Variants in PILRB observed in about 807,000 individuals in gnomAD.
The protein encoded by PILRB is paired immunoglobulin-like type 2 receptor beta.
In PILRB, 21 loss-of-function variants were observed where a neutral mutation model predicts 20.5. The ratio of observed to expected loss-of-function variants is 1.02; its 90% CI spans 0.72 to 1.47. The LOEUF is 1.47. Among genes scored for constraint, PILRB ranks in the 40% most tolerant of loss-of-function variants. The pLI is 0.00. For missense variants in PILRB, 253 were observed against 272.1 expected, an observed-to-expected ratio of 0.93 and a Z score of 0.49; for synonymous variants, 133 against 115.1, an observed-to-expected ratio of 1.16 and a Z score of -0.99.
Position 100,367,742 on chromosome 7 carries a change from T to TAC in PILRB, c.*365_*366insAC. The TAC allele has an allele frequency of 4.4e-6, 1 of 224,948 alleles. No homozygotes were observed. The highest frequency in any genetic ancestry group is 8.9e-6 in the Non-Finnish European group (1 of 112,796). 13.9% of individuals were successfully genotyped at this position (224,948 alleles called of 1,614,324 possible). On this transcript the variant is annotated 3_prime_UTR_variant, in exon 4 of 4. Coordinates refer to ENST00000609309, the MANE Select transcript of PILRB (RefSeq NM_178238.4). ...TTATTTTGCTTACCATACACCCCTTTTCTCCTCGTCCACATTTTCCAATCT... is the reference window on the plus strand; with the variant it reads ...TTATTTTGCTTACCATACACCCCTTTACTCTCCTCGTCCACATTTTCCAATCT...
At position 100,367,479 on chromosome 7, in the gene PILRB, T is replaced by C; in HGVS notation, c.*102T>C. 1.3e-6 allele frequency: 1 copy of C among 759,138 alleles called. No individual in the cohort carries two copies. The highest frequency in any genetic ancestry group is 2.5e-6 in the Non-Finnish European group (1 of 401,458). 47.0% of individuals were successfully genotyped at this position (759,138 alleles called of 1,614,324 possible). A position where few individuals can be genotyped will look rare whatever the true frequency, so the allele number is the denominator to read the frequency against. On this transcript the variant is annotated 3_prime_UTR_variant, in exon 4 of 4. Coordinates refer to ENST00000609309, the MANE Select transcript of PILRB (RefSeq NM_178238.4). ...ACTCGTTCCCCATTGGCAAGATACA[T>C]GGAGAGCACCCTGAGGACCTTTAAA...
At chr7:100,359,230 G>A in intron 2 of PILRB, 107 bp from the exon 3 acceptor site, 1 of 1,504,480 alleles carries the variant, frequency 6.6e-7, no homozygotes, top group South Asian at 1.1e-5. Context: ...TCTGAGAGCA[G>A]CTTGCTCATC....
At chr7:100,364,836 C>T (rs1790630116) in intron 3 of PILRB, among the ~76,000 whole-genome samples, 1 of 152,070 alleles carries the variant, frequency 6.6e-6, no homozygotes, top group Non-Finnish European at 1.5e-5. Context: ...GTCTGTAGTC[C>T]AAGCTACTCG....
chr7:100,367,692 C>T lies in PILRB; in HGVS notation c.*315C>T. The stretch of plus-strand genomic sequence containing the variant: ...TAGCAGTGCAAAGAGTTCCTTTATC[C>T]TCCCCAAGGATGGAAAAATACAATT... On this transcript the variant is annotated 3_prime_UTR_variant, in exon 4 of 4. Transcript: ENST00000609309. 4 of 368,476 alleles carry T rather than the reference C, an allele frequency of 1.1e-5. No homozygotes were observed. Among genetic ancestry groups the T allele is most frequent in the Non-Finnish European group, 2.0e-5 (4 of 202,808 alleles). The allele number at this position is 368,476 out of a possible 1,614,324, so 22.8% of individuals were successfully genotyped here.
chr7:100,359,044 A>C lies in PILRB; in HGVS notation c.419A>C (p.Gln140Pro), dbSNP rs766682315. 2.9e-5 allele frequency: 46 copies of C among 1,614,026 alleles called. No individual in the cohort carries two copies. The highest frequency in any genetic ancestry group is 3.6e-5 in the Non-Finnish European group (42 of 1,180,024). Reference protein sequence around the residue: ...DTRRSGRQQLQSIKGTKLTIT... With the variant: ...DTRRSGRQQLPSIKGTKLTIT... ...CGGAGATCAGGGAGGCAGCAGTTGC[A>C]GTCCATCAAGGGGACCAAACTCACC... The change falls in exon 2 of 4, where the codon CAG becomes CCG. Residue 140 changes from glutamine (Q) to proline (P), a missense_variant. Coordinates refer to ENST00000609309, the MANE Select transcript of PILRB (RefSeq NM_178238.4).
chr7:100,360,877 G>A (rs1205243982), intron 3 of PILRB, among the ~76,000 whole-genome samples: 1 of 152,196 alleles, frequency 6.6e-6, no homozygotes, highest in Non-Finnish European at 1.5e-5. Flanking sequence ...AATAGAGGAG[G>A]AGACTATGTT....
At chr7:100,365,818 A>C (rs1790666460) in intron 3 of PILRB, among the ~76,000 whole-genome samples, 1 of 152,060 alleles carries the variant, frequency 6.6e-6, no homozygotes, top group South Asian at 2.1e-4. Context: ...ACTCTGTCTC[A>C]AAAAAAGAAC....
chr7:100,362,284 G>C (rs958004426), intron 3 of PILRB, among the ~76,000 whole-genome samples: 2 of 152,082 alleles, frequency 1.3e-5, no homozygotes, highest in East Asian at 1.9e-4. Context: ...AGATGAAAAG[G>C]CTGGTGAATA....
chr7:100,358,324 C>T lies in PILRB; in HGVS notation c.22C>T (p.Pro8Ser). The T allele has an allele frequency of 6.2e-7, 1 of 1,612,828 alleles. No individual in the cohort carries two copies. The highest frequency in any genetic ancestry group is 8.5e-7 in the Non-Finnish European group (1 of 1,179,982). MGRPLLL[P>S]LLLLLQPPAF... The stretch of plus-strand genomic sequence containing the variant: ...GGCCATGGGTCGGCCCCTGCTGCTG[C>T]CCCTGCTGCTCCTGCTGCAGCCGCC... The change falls in exon 1 of 4, where the codon CCC becomes TCC. Residue 8 changes from proline to serine, a missense_variant. Physicochemically the swap from Pro to Ser is moderately conservative, Grantham distance 74. Coordinates refer to ENST00000609309, the MANE Select transcript of PILRB (RefSeq NM_178238.4).
intron 3 of PILRB, among the ~76,000 whole-genome samples, chr7:100,363,559 C>T (rs781355135): frequency 5.3e-5 from 8 of 152,252 alleles, no homozygotes; most frequent in Admixed American, 1.3e-4. Context: ...CATTCTTGTT[C>T]GTGGAGTGGA....
chr7:100,366,690 A>G (rs1790697615), intron 3 of PILRB, among the ~76,000 whole-genome samples: 1 of 151,844 alleles, frequency 6.6e-6, no homozygotes, highest in Admixed American at 6.6e-5. Flanking sequence ...CCCAGAAGGA[A>G]ACCACAGGCG....
At chr7:100,364,755 GTTTGTAGTAGCA>G (rs1197936244) in intron 3 of PILRB, among the ~76,000 whole-genome samples, 1 of 152,202 alleles carries the variant, frequency 6.6e-6, no homozygotes, top group Admixed American at 6.5e-5. Context: ...GCACACCGAT[GTTTGTAGTAGCA>G]TTACTCAAAA....
chr7:100,360,851 A>G (rs1332095588), intron 3 of PILRB, among the ~76,000 whole-genome samples: 1 of 152,220 alleles, frequency 6.6e-6, no homozygotes, highest in Non-Finnish European at 1.5e-5. Context: ...TGATGAAACC[A>G]CCAACTACAG....
At chr7:100,367,167 G>A (rs1440326823) in intron 3 of PILRB, among the ~76,000 whole-genome samples, 182 bp from the exon 4 acceptor site, 1 of 152,146 alleles carries the variant, frequency 6.6e-6, no homozygotes, top group Non-Finnish European at 1.5e-5. Flanking sequence ...GAGTACAGGT[G>A]CGGGCAGGGG....
At position 100,367,712 on chromosome 7, in the gene PILRB, A is replaced by G. The variant is rs1790737952; in HGVS notation, c.*335A>G. The G allele has an allele frequency of 6.5e-6, 2 of 307,944 alleles. No homozygotes were observed. Among genetic ancestry groups the G allele is most frequent in the Admixed American group, 4.7e-5 (1 of 21,486 alleles). The allele number at this position is 307,944 out of a possible 1,614,324, so 19.1% of individuals were successfully genotyped here. The stretch of plus-strand genomic sequence containing the variant: ...TTATCCTCCCCAAGGATGGAAAAAT[A>G]CAATTTATTTTGCTTACCATACACC... On this transcript the variant is annotated 3_prime_UTR_variant, in exon 4 of 4. Transcript: ENST00000609309.
intron 3 of PILRB, among the ~76,000 whole-genome samples, chr7:100,362,990 T>A (rs1474421281): frequency 1.3e-5 from 2 of 152,046 alleles, no homozygotes; most frequent in Non-Finnish European, 2.9e-5. Context: ...ACTACTTCTA[T>A]TCAACACAGG....
At chr7:100,363,760 C>T (rs775221258) in intron 3 of PILRB, among the ~76,000 whole-genome samples, 2 of 152,182 alleles carry the variant, frequency 1.3e-5, no homozygotes, top group East Asian at 1.9e-4. Context: ...CACGCATTCC[C>T]TGATTTCAAA....
Position 100,359,076 on chromosome 7 carries a change from C to G in PILRB, c.451C>G (p.Gln151Glu), listed in dbSNP as rs756900681. ...SIKGTKLTIT[Q>E]AVTTTTTWRP... ...CAAGGGGACCAAACTCACCATCACC[C>G]AGGGTGAGTCCAGCTGCCCTGACAC... Residue 151 changes from glutamine (Q) to glutamate (E), a missense_variant, in exon 2 of 4, where the codon CAG (glutamine) becomes GAG (glutamate). By Grantham distance (29) the Gln-to-Glu change is conservative. Transcript: ENST00000609309. The G allele has an allele frequency of 1.9e-6, 3 of 1,613,954 alleles. No individual in the cohort carries two copies. Among genetic ancestry groups the G allele is most frequent in the Non-Finnish European group, 2.5e-6 (3 of 1,180,028 alleles).
rs1790736299 is a variant in PILRB, at chr7:100,367,674, G to A, written c.*297G>A. On this transcript the variant is annotated 3_prime_UTR_variant, in exon 4 of 4. Coordinates refer to ENST00000609309, the MANE Select transcript of PILRB (RefSeq NM_178238.4). ...TTTGGGGGCTGTTTATTATAGCAGTGCAAAGAGTTCCTTTATCCTCCCCAA... is the reference window on the plus strand; with the variant it reads ...TTTGGGGGCTGTTTATTATAGCAGTACAAAGAGTTCCTTTATCCTCCCCAA... 4.8e-6 allele frequency: 2 copies of A among 413,834 alleles called. No individual in the cohort carries two copies. The highest frequency in any genetic ancestry group is 4.4e-6 in the Non-Finnish European group (1 of 229,632). 25.6% of individuals were successfully genotyped at this position (413,834 alleles called of 1,614,324 possible).
Sources: gnomAD v4.1 joint callset for allele counts (sites outside exome capture counted in the v4.1 genomes callset) on GRCh38, gnomAD v4.1.1 for gene constraint, MANE v1.5 for transcripts, NCBI Gene and HGNC (gene_info 2026-07-23, HGNC 2026-07-21) for gene names.